Variants in ARK2C observed in about 807,000 individuals in gnomAD.
ARK2C encodes the protein arkadia (RNF111) C-terminal like ring finger ubiquitin ligase 2C, also known as E3 ubiquitin-protein ligase ARK2C.
the ARK2C span, chr18:46,433,511 T>C: frequency 1.3e-6 from 2 of 1,594,270 alleles, no homozygotes. Flanking sequence ...CCCAGGTTGG[T>C]GCTGCCTGGG....
At chr18:46,451,344 T>G in the ARK2C span, among the ~76,000 whole-genome samples, 1 of 152,236 alleles carries the variant, frequency 6.6e-6, no homozygotes, top group African/African-American at 2.4e-5. Flanking sequence ...GAACTAGGAA[T>G]CTAGGATAAG....
chr18:46,392,548 T>C, the ARK2C span, among the ~76,000 whole-genome samples: 1 of 137,278 alleles, frequency 7.3e-6, no homozygotes, highest in Middle Eastern at 3.5e-3. Flanking sequence ...GCCCCTGTCC[T>C]GCCAGGTCAG....
At chr18:46,457,659 A>G in the ARK2C span, 4 of 152,624 alleles carry the variant, frequency 2.6e-5, no homozygotes, top group African/African-American at 7.2e-5. Context: ...GGTCACTCCA[A>G]CTCCTTCCTT....
At chr18:46,375,008 GC>G in the ARK2C span, among the ~76,000 whole-genome samples, 1 of 152,154 alleles carries the variant, frequency 6.6e-6, no homozygotes, top group Non-Finnish European at 1.5e-5. Context: ...CAGGCCCCAG[GC>G]CCTTGTAATA....
At chr18:46,397,553 T>G in the ARK2C span, among the ~76,000 whole-genome samples, 8 of 47,246 alleles carry the variant, frequency 1.7e-4, no homozygotes, top group Admixed American at 7.7e-4. Context: ...CATGCTGGGG[T>G]GTGAGGGTGT....
the ARK2C span, among the ~76,000 whole-genome samples, chr18:46,410,089 A>C: frequency 6.6e-6 from 1 of 152,120 alleles, no homozygotes. Flanking sequence ...TTATGTGGTG[A>C]GGAGTAGTGG....
chr18:46,390,934 T>C, the ARK2C span, among the ~76,000 whole-genome samples: 3 of 152,206 alleles, frequency 2.0e-5, no homozygotes, highest in African/African-American at 7.2e-5. Flanking sequence ...AAATGGGTTA[T>C]TTATTGACCT....
chr18:46,374,274 G>T, the ARK2C span, among the ~76,000 whole-genome samples: 10 of 152,028 alleles, frequency 6.6e-5, no homozygotes, highest in African/African-American at 1.9e-4. Context: ...CATATTGTAT[G>T]ATTTGCCATT....
the ARK2C span, among the ~76,000 whole-genome samples, chr18:46,444,401 C>T: frequency 6.6e-6 from 1 of 151,956 alleles, no homozygotes; most frequent in Non-Finnish European, 1.5e-5. Context: ...ATGTGGCTGA[C>T]TGCTTGATAT....
the ARK2C span, among the ~76,000 whole-genome samples, chr18:46,387,710 A>C: frequency 6.6e-6 from 1 of 152,270 alleles, no homozygotes; most frequent in Non-Finnish European, 1.5e-5. Flanking sequence ...TTCAGTTTGG[A>C]AGTCAAACGC....
At chr18:46,372,272 TGTG>T in the ARK2C span, among the ~76,000 whole-genome samples, 2 of 152,198 alleles carry the variant, frequency 1.3e-5, no homozygotes, top group South Asian at 4.1e-4. Context: ...CAGTTTGAGA[TGTG>T]GTGGTAAGTT....
the ARK2C span, chr18:46,458,157 C>G: frequency 6.6e-6 from 1 of 152,508 alleles, no homozygotes; most frequent in Non-Finnish European, 1.5e-5. Flanking sequence ...TTCTGAGAAC[C>G]TTGTGGGGTG....
At chr18:46,436,768 G>C in the ARK2C span, among the ~76,000 whole-genome samples, 1 of 152,188 alleles carries the variant, frequency 6.6e-6, no homozygotes, top group African/African-American at 2.4e-5. Context: ...GCCAACTTCT[G>C]CCCAGCCTTT....
the ARK2C span, chr18:46,435,269 C>G: frequency 6.2e-7 from 1 of 1,609,398 alleles, no homozygotes; most frequent in African/African-American, 1.3e-5. Context: ...CACGAGGGCT[C>G]TCCATCCCTT....
the ARK2C span, among the ~76,000 whole-genome samples, chr18:46,420,877 T>A: frequency 6.6e-6 from 1 of 151,830 alleles, no homozygotes; most frequent in African/African-American, 2.4e-5. Context: ...TATTGGGGTT[T>A]GGAGATTTGC....
the ARK2C span, among the ~76,000 whole-genome samples, chr18:46,418,864 G>A: frequency 6.6e-6 from 1 of 152,200 alleles, no homozygotes; most frequent in East Asian, 1.9e-4. Flanking sequence ...CAGCACCTCC[G>A]TGGTTTTCCA....
chr18:46,384,981 C>T, the ARK2C span, among the ~76,000 whole-genome samples: 1 of 152,236 alleles, frequency 6.6e-6, no homozygotes, highest in Non-Finnish European at 1.5e-5. Flanking sequence ...TCTTGATGGT[C>T]ACCTTTGTGC....
chr18:46,355,325 T>C, the ARK2C span, among the ~76,000 whole-genome samples: 4 of 152,242 alleles, frequency 2.6e-5, no homozygotes, highest in South Asian at 8.3e-4. Flanking sequence ...AGGGGAGCAG[T>C]GGTCCCGAGG....
the ARK2C span, among the ~76,000 whole-genome samples, chr18:46,362,654 T>C: frequency 6.6e-6 from 1 of 152,260 alleles, no homozygotes; most frequent in Non-Finnish European, 1.5e-5. Context: ...TTCTTGGCCT[T>C]AGCCAGTGAA....
Sources: allele counts gnomAD v4.1 joint callset (sites outside exome capture counted in the v4.1 genomes callset), GRCh38; gene constraint gnomAD v4.1.1; transcripts MANE v1.5; gene names NCBI Gene and HGNC (gene_info 2026-07-23, HGNC 2026-07-21).